Variants in TNKS observed in about 807,000 individuals in gnomAD.
TNKS encodes tankyrase.
TNKS carries 72 observed loss-of-function variants against 135.8 expected under a neutral mutation model. That is an observed-to-expected ratio of 0.53 (90% CI 0.44 to 0.64). The LOEUF (loss-of-function observed/expected upper bound fraction) is 0.64, where lower values mean the gene tolerates loss of function less well. Among genes scored for constraint, TNKS ranks in the 30% least tolerant of loss-of-function variants. TNKS has a pLI of 0.00. For synonymous variants in TNKS, 849 were observed against 649.3 expected (o/e 1.31, Z -4.68); for missense variants, 1,769 against 1,674.0 (o/e 1.06, Z -0.99).
At chr8:9,625,893 G>C (rs1800036809) in intron 3 of TNKS, among the ~76,000 whole-genome samples, 2 of 152,266 alleles carry the variant, frequency 1.3e-5, no homozygotes, top group Non-Finnish European at 2.9e-5. Context: ...TTTGGATGGA[G>C]TGTTCTATAA....
intron 3 of TNKS, among the ~76,000 whole-genome samples, chr8:9,624,719 T>C (rs966201421): frequency 6.6e-6 from 1 of 152,164 alleles, no homozygotes; most frequent in African/African-American, 2.4e-5. Flanking sequence ...TGGAAGAGAC[T>C]GTAATGTGTT....
chr8:9,596,466 G>A (rs1403360695), intron 2 of TNKS, among the ~76,000 whole-genome samples: 1 of 152,072 alleles, frequency 6.6e-6, no homozygotes, highest in African/African-American at 2.4e-5. Context: ...TTTAAAAAAC[G>A]TAGTGTCTTG....
intron 3 of TNKS, among the ~76,000 whole-genome samples, chr8:9,664,909 G>GTGCTGTC (rs574804422): frequency 1.3e-5 from 2 of 152,156 alleles, no homozygotes; most frequent in Non-Finnish European, 2.9e-5. Context: ...ATATCCCTAT[G>GTGCTGTC]TGCTGTCTGC....
intron 5 of TNKS, among the ~76,000 whole-genome samples, chr8:9,690,225 G>C (rs866567610): frequency 6.6e-6 from 1 of 152,266 alleles, no homozygotes; most frequent in South Asian, 2.1e-4. Flanking sequence ...TAATTCTTCT[G>C]CTGATTCTGA....
rs529503541 is a variant in TNKS, at chr8:9,671,692, A to G, written c.995-8259A>G. Among the ~76,000 whole-genome samples the G allele has an allele frequency of 7.2e-5, 11 of 152,324 alleles. No homozygotes were observed. In the South Asian group the frequency reaches 2.1e-3, roughly 29 times the overall value. Reference sequence around the variant, plus strand: ...TGAAGTGTAGTGTTCACACAGCTGTATAAGTTTTTCAAAACCCACAGAACC... The same window carrying G: ...TGAAGTGTAGTGTTCACACAGCTGTGTAAGTTTTTCAAAACCCACAGAACC... On this transcript the variant is annotated intron_variant, in intron 3 of 26. Transcript: ENST00000310430.
At chr8:9,751,441 T>C (rs1040286692) in intron 18 of TNKS, among the ~76,000 whole-genome samples, 168 bp from the exon 19 acceptor site, 13 of 152,328 alleles carry the variant, frequency 8.5e-5, no homozygotes, top group Admixed American at 7.8e-4. Context: ...ACTGAAACTA[T>C]TGAAACTCTT....
intron 18 of TNKS, among the ~76,000 whole-genome samples, chr8:9,748,485 G>T (rs1435410608): frequency 6.6e-6 from 1 of 152,128 alleles, no homozygotes; most frequent in Non-Finnish European, 1.5e-5. Context: ...TACCCTCAAA[G>T]AATTATATTT....
chr8:9,709,833 T>C (rs1804233785), intron 9 of TNKS, 122 bp from the exon 10 acceptor site: 3 of 708,016 alleles, frequency 4.2e-6, no homozygotes, highest in Non-Finnish European at 7.2e-6. Context: ...ATAAAACATA[T>C]ACATATGTTC....
intron 21 of TNKS, among the ~76,000 whole-genome samples, chr8:9,761,850 A>T (rs950973238): frequency 5.9e-5 from 9 of 151,942 alleles, no homozygotes; most frequent in African/African-American, 1.9e-4. Context: ...TTGTATCCTC[A>T]ATTTTTCTGG....
At chr8:9,702,102 C>G (rs1453347144) in intron 5 of TNKS, among the ~76,000 whole-genome samples, 1 of 152,182 alleles carries the variant, frequency 6.6e-6, no homozygotes, top group Non-Finnish European at 1.5e-5. Flanking sequence ...CCCTGCCTAC[C>G]AAAGCCTAGA....
chr8:9,582,096 A>T (rs1009606011), intron 2 of TNKS, among the ~76,000 whole-genome samples: 12 of 152,230 alleles, frequency 7.9e-5, no homozygotes, highest in African/African-American at 2.9e-4. Flanking sequence ...AGTATGTATC[A>T]TAGTTATTAT....
chr8:9,699,396 C>A (rs954656600), intron 5 of TNKS, among the ~76,000 whole-genome samples: 3 of 152,086 alleles, frequency 2.0e-5, no homozygotes, highest in Non-Finnish European at 2.9e-5. Context: ...TTGTAAATTT[C>A]TTTTTTCCCA....
At chr8:9,689,152 TC>T (rs983086179) in intron 5 of TNKS, among the ~76,000 whole-genome samples, 30 of 152,320 alleles carry the variant, frequency 2.0e-4, no homozygotes, top group Non-Finnish European at 3.5e-4. Context: ...TGCCTTTTTT[TC>T]CTTTTATTAA....
chr8:9,657,742 C>A (rs1801470839), intron 3 of TNKS, among the ~76,000 whole-genome samples: 1 of 137,650 alleles, frequency 7.3e-6, no homozygotes. Flanking sequence ...AGAGGCGCCC[C>A]TCACCTCCCG....
chr8:9,570,218 T>A (rs1017155429), intron 1 of TNKS, among the ~76,000 whole-genome samples: 3 of 152,148 alleles, frequency 2.0e-5, no homozygotes, highest in African/African-American at 7.2e-5. Flanking sequence ...GGTGGGAGGA[T>A]TGCTTGAGCC....
intron 5 of TNKS, among the ~76,000 whole-genome samples, chr8:9,688,053 T>C (rs1039934619): frequency 9.9e-5 from 15 of 152,216 alleles, no homozygotes; most frequent in African/African-American, 3.1e-4. Context: ...GTATTGCCGA[T>C]GTCCCATTTC....
chr8:9,744,229 C>T (rs1190725718), intron 17 of TNKS, among the ~76,000 whole-genome samples: 2 of 152,154 alleles, frequency 1.3e-5, no homozygotes, highest in East Asian at 3.8e-4. Context: ...TATTTGAATA[C>T]ATGTTTATAC....
intron 2 of TNKS, among the ~76,000 whole-genome samples, chr8:9,592,031 A>G (rs768546755): frequency 1.3e-5 from 2 of 152,202 alleles, no homozygotes; most frequent in African/African-American, 4.8e-5. Flanking sequence ...TGAATATATT[A>G]TAGGACTCAT....
chr8:9,639,279 T>G (rs1266455293), intron 3 of TNKS, among the ~76,000 whole-genome samples: 1 of 152,150 alleles, frequency 6.6e-6, no homozygotes, highest in Non-Finnish European at 1.5e-5. Context: ...GAAAACCAAT[T>G]AAGCTTTGAA....
Sources: gnomAD v4.1 joint callset for allele counts (sites outside exome capture counted in the v4.1 genomes callset) on GRCh38, gnomAD v4.1.1 for gene constraint, MANE v1.5 for transcripts, NCBI Gene and HGNC (gene_info 2026-07-23, HGNC 2026-07-21) for gene names.